The following NXPH1 variants were observed in gnomAD, a reference collection of about 807,000 sequenced individuals.
The protein encoded by NXPH1 is neurexophilin 1.
A neutral mutation model predicts 23.7 loss-of-function variants in NXPH1; 5 were observed. The ratio of observed to expected loss-of-function variants is 0.21; its 90% confidence interval spans 0.11 to 0.44. NXPH1 has a LOEUF of 0.44. NXPH1 is among the 20% of genes least tolerant of loss of function. The probability of loss-of-function intolerance (pLI) is 0.99; values close to 1 mark genes in which losing one functional copy is unlikely to be tolerated. For missense variants in NXPH1, 324 were observed against 321.6 expected, an observed-to-expected ratio of 1.01 and a Z score of -0.06; for synonymous variants, 144 against 122.2, an observed-to-expected ratio of 1.18 and a Z score of -1.18.
chr7:8,645,549 T>C (rs1820384139), intron 2 of NXPH1, among the ~76,000 whole-genome samples: 1 of 152,104 alleles, frequency 6.6e-6, no homozygotes, highest in Non-Finnish European at 1.5e-5. Context: ...AAATTTTAGG[T>C]ATCAACCCTT....
chr7:8,523,825 C>A (rs1817815825), intron 2 of NXPH1, among the ~76,000 whole-genome samples: 1 of 152,174 alleles, frequency 6.6e-6, no homozygotes, highest in Non-Finnish European at 1.5e-5. Flanking sequence ...CATTCTATAT[C>A]ATGGGTCTGG....
intron 2 of NXPH1, among the ~76,000 whole-genome samples, chr7:8,520,551 T>C (rs1817754026): frequency 6.6e-6 from 1 of 152,042 alleles, no homozygotes. Context: ...TTGATCCATT[T>C]CCCCCCAAAG....
chr7:8,634,398 A>G (rs1296281533), intron 2 of NXPH1, among the ~76,000 whole-genome samples: 1 of 152,068 alleles, frequency 6.6e-6, no homozygotes, highest in African/African-American at 2.4e-5. Context: ...GTCCATTTTT[A>G]CTTAGTAAAT....
intron 2 of NXPH1, among the ~76,000 whole-genome samples, chr7:8,635,048 T>A (rs1189759151): frequency 6.6e-6 from 1 of 152,158 alleles, no homozygotes; most frequent in Non-Finnish European, 1.5e-5. Context: ...ACAATAGCTA[T>A]CTCTAATCAC....
intron 2 of NXPH1, among the ~76,000 whole-genome samples, chr7:8,623,043 G>T (rs1032964006): frequency 2.6e-5 from 4 of 152,210 alleles, no homozygotes; most frequent in African/African-American, 9.6e-5. Flanking sequence ...TGGTAAGGAA[G>T]TATGTGGTGT....
intron 2 of NXPH1, among the ~76,000 whole-genome samples, chr7:8,596,287 G>T (rs1819222272): frequency 6.6e-6 from 1 of 151,954 alleles, no homozygotes. Flanking sequence ...TGACAGCATT[G>T]GTACAGAAAT....
chr7:8,597,215 G>T (rs1819245276), intron 2 of NXPH1, among the ~76,000 whole-genome samples: 1 of 152,082 alleles, frequency 6.6e-6, no homozygotes, highest in African/African-American at 2.4e-5. Context: ...AATAGAGACT[G>T]ACAACAACAA....
intron 2 of NXPH1, among the ~76,000 whole-genome samples, chr7:8,512,058 G>A (rs1817621279): frequency 2.0e-5 from 3 of 152,246 alleles, no homozygotes; most frequent in African/African-American, 7.2e-5. Context: ...GAGCTTGACA[G>A]CTGCCAAACT....
In NXPH1 at chr7:8,434,208, C is replaced by G. The variant is rs1816148324; in HGVS notation, c.-658C>G. 6.5e-6 allele frequency: 1 copy of G among 153,136 alleles called. No homozygotes were observed. The highest frequency in any genetic ancestry group is 1.5e-5 in the Non-Finnish European group (1 of 68,508). 9.5% of individuals were successfully genotyped at this position (153,136 alleles called of 1,614,324 possible). A position where few individuals can be genotyped will look rare whatever the true frequency, so the allele number is the denominator to read the frequency against. On this transcript the variant is annotated 5_prime_UTR_variant, in exon 1 of 3. Transcript: ENST00000405863. The surrounding 1 kb of genome is among the most constrained non-coding windows in gnomAD (Gnocchi z 7.6). ...CCCACCCCTCCCTCAGAAACTCGGA[C>G]TGCTCTCGTCTGCCGTGTGGTTCTC...
At chr7:8,471,232 AG>A (rs1262827854) in intron 2 of NXPH1, among the ~76,000 whole-genome samples, 2 of 152,314 alleles carry the variant, frequency 1.3e-5, no homozygotes, top group Non-Finnish European at 2.9e-5. Context: ...TTACTCTTTA[AG>A]GCAGAGATCA....
intron 2 of NXPH1, among the ~76,000 whole-genome samples, chr7:8,485,110 G>A (rs1419099198): frequency 6.6e-6 from 1 of 152,130 alleles, no homozygotes; most frequent in African/African-American, 2.4e-5. Flanking sequence ...GTCATGGGAG[G>A]GACCCGGTGC....
At chr7:8,660,832 G>GT (rs1488456133) in intron 2 of NXPH1, among the ~76,000 whole-genome samples, 15 of 152,002 alleles carry the variant, frequency 9.9e-5, no homozygotes, top group Admixed American at 5.9e-4. Flanking sequence ...TTAAACATTT[G>GT]ATTTTTAGTT....
chr7:8,625,160 C>T (rs1819961051), intron 2 of NXPH1, among the ~76,000 whole-genome samples: 1 of 152,088 alleles, frequency 6.6e-6, no homozygotes, highest in Admixed American at 6.6e-5. Flanking sequence ...GGCAACCTCA[C>T]TGATTTACAA....
At chr7:8,607,152 A>G (rs2128628684) in intron 2 of NXPH1, among the ~76,000 whole-genome samples, 1 of 152,306 alleles carries the variant, frequency 6.6e-6, no homozygotes, top group East Asian at 1.9e-4. Context: ...CGAAGTTTGA[A>G]CTTGAACAGT....
chr7:8,466,041 C>T (rs781509501), intron 2 of NXPH1, among the ~76,000 whole-genome samples: 12 of 152,104 alleles, frequency 7.9e-5, no homozygotes. Flanking sequence ...TCAGGTCATT[C>T]CTAATGAAAT....
intron 2 of NXPH1, among the ~76,000 whole-genome samples, chr7:8,701,100 T>G (rs1779617244): frequency 6.6e-6 from 1 of 152,090 alleles, no homozygotes; most frequent in Admixed American, 6.6e-5. Flanking sequence ...CATATTCATA[T>G]TCTGTTAATG....
chr7:8,500,767 A>G (rs900410536), intron 2 of NXPH1, among the ~76,000 whole-genome samples: 8 of 152,072 alleles, frequency 5.3e-5, no homozygotes, highest in African/African-American at 1.4e-4. Context: ...TACAGATTCA[A>G]CGTCTTTTAC....
chr7:8,521,453 T>A (rs1236596422), intron 2 of NXPH1, among the ~76,000 whole-genome samples: 1 of 152,172 alleles, frequency 6.6e-6, no homozygotes, highest in Admixed American at 6.5e-5. Flanking sequence ...ATGTCACTTC[T>A]GGGCCAAGGC....
chr7:8,552,114 CAAAAAAAAAAAAAAAAA>C (rs34390317), intron 2 of NXPH1, among the ~76,000 whole-genome samples: 22 of 61,750 alleles, frequency 3.6e-4, no homozygotes, highest in Non-Finnish European at 5.3e-4. Flanking sequence ...GAAAAAAAAC[CAAAAAAAAAAAAAAAAA>C]AAAAAAAAAA....
Sources: gnomAD v4.1 joint callset for allele counts (sites outside exome capture counted in the v4.1 genomes callset) on GRCh38, gnomAD v4.1.1 for gene constraint, Gnocchi (gnomAD v3.1) non-coding constraint, MANE v1.5 for transcripts, NCBI Gene and HGNC (gene_info 2026-07-23, HGNC 2026-07-21) for gene names.